Variants in PRR12 observed in about 807,000 individuals in gnomAD.
The protein encoded by PRR12 is proline-rich protein 12.
PRR12 carries 12 observed loss-of-function variants against 138.0 expected under a neutral mutation model. The ratio of observed to expected loss-of-function variants is 0.09; its 90% CI spans 0.06 to 0.14. PRR12 has a LOEUF of 0.14. Ranked by LOEUF, PRR12 falls within the 10% of genes least tolerant of loss-of-function variation. The probability of loss-of-function intolerance (pLI) is 1.00; values close to 1 mark genes in which losing one functional copy is unlikely to be tolerated. For missense variants in PRR12, 2,692 were observed against 2,861.3 expected (o/e 0.94, Z 1.35); for synonymous variants, 1,567 against 1,291.7 (o/e 1.21, Z -4.57).
Position 49,597,309 on chromosome 19 carries a change from C to G in PRR12, c.2974C>G (p.Pro992Ala). The part of the protein sequence containing the change: ...PGPPAYDPYG[P>A]YCPGRASGAG... ...CCCCCCTGCTTATGATCCCTATGGG[C>G]CCTACTGTCCTGGCCGGGCGTCGGG... The change falls in exon 4 of 14, where the codon CCC becomes GCC. Residue 992 changes from proline to alanine, a missense_variant. Physicochemically the swap from Pro to Ala is conservative, Grantham distance 27. Around this residue, in one of 11 missense-constraint regions of PRR12, gnomAD observed 840 missense variants for 689.8 expected, o/e 1.22. Coordinates refer to ENST00000418929, the MANE Select transcript of PRR12 (RefSeq NM_020719.3). The surrounding 1 kb of genome is among the most constrained non-coding windows in gnomAD (Gnocchi z 6.3). 1 of 1,557,418 alleles carries G rather than the reference C, an allele frequency of 6.4e-7. No individual in the cohort carries two copies. Among genetic ancestry groups the G allele is most frequent in the Non-Finnish European group, 8.7e-7 (1 of 1,154,154 alleles).
intron 6 of PRR12, among the ~76,000 whole-genome samples, chr19:49,605,634 T>C (rs933546890): frequency 2.6e-5 from 4 of 152,244 alleles, no homozygotes; most frequent in African/African-American, 9.6e-5. Flanking sequence ...TGAGCCAGCA[T>C]TGGGTCAAAT....
Position 49,595,630 on chromosome 19 carries a change from C to G in PRR12, c.1295C>G (p.Ala432Gly). Reference sequence around the variant, plus strand: ...GCAGCCGCCTATGCCACTGGGAAGGCCTCTGGGGCTGGAGGGGCAGGGGGC... The same window carrying G: ...GCAGCCGCCTATGCCACTGGGAAGGGCTCTGGGGCTGGAGGGGCAGGGGGC... ...GPAAAYATGK[A>G]SGAGGAGGQA... The change falls in exon 4 of 14, where the codon GCC becomes GGC. Residue 432 changes from alanine (A) to glycine (G), a missense_variant. Around this residue, in one of 11 missense-constraint regions of PRR12, gnomAD observed 523 missense variants for 496.4 expected, o/e 1.05. Transcript: ENST00000418929. The G allele has an allele frequency of 6.2e-7, 1 of 1,606,972 alleles. No homozygotes were observed. Among genetic ancestry groups the G allele is most frequent in the Non-Finnish European group, 8.5e-7 (1 of 1,177,372 alleles).
intron 6 of PRR12, among the ~76,000 whole-genome samples, chr19:49,610,621 C>T (rs926320588): frequency 4.0e-5 from 6 of 149,208 alleles, no homozygotes; most frequent in Admixed American, 2.7e-4. Flanking sequence ...CAGCTCACTA[C>T]AAGCTCCGCC....
intron 6 of PRR12, among the ~76,000 whole-genome samples, chr19:49,606,565 C>T (rs1423859007): frequency 6.6e-6 from 1 of 151,686 alleles, no homozygotes; most frequent in Non-Finnish European, 1.5e-5. Flanking sequence ...CCCCGCCCCC[C>T]AACCTTGGCC....
At chr19:49,603,223 G>C (rs916268178) in intron 6 of PRR12, among the ~76,000 whole-genome samples, 2 of 152,272 alleles carry the variant, frequency 1.3e-5, no homozygotes, top group African/African-American at 4.8e-5. Context: ...GGTGTTACCA[G>C]GTGCCCATGG....
At chr19:49,615,665 C>T (rs1373338392) in intron 8 of PRR12, 82 bp from the exon 9 acceptor site, 3 of 1,159,032 alleles carry the variant, frequency 2.6e-6, no homozygotes, top group Non-Finnish European at 3.7e-6. Flanking sequence ...ATTCCTGTGC[C>T]TAGGGCACTG....
At position 49,593,342 on chromosome 19, in the gene PRR12, C is replaced by T. The variant is rs202128704; in HGVS notation, c.102C>T (p.Ser34=). 2 of 1,608,178 alleles carry T rather than the reference C, an allele frequency of 1.2e-6. No individual in the cohort carries two copies. The highest frequency in any genetic ancestry group is 1.7e-6 in the Non-Finnish European group (2 of 1,177,132). The change falls in exon 2 of 14, where the codon AGC becomes AGT. Residue 34 remains serine, a synonymous_variant. Coordinates refer to ENST00000418929, the MANE Select transcript of PRR12 (RefSeq NM_020719.3). ...TTCCCCCCAGCTTGGTTTATGGCAG[C>T]TCCAGGACCTCGCACCCCGAGACGG... ...RSAKASLVYG[S]SRTSHPETDI...
In PRR12 at chr19:49,596,219, A is replaced by G; in HGVS notation, c.1884A>G (p.Pro628=). 3 of 1,610,734 alleles carry G rather than the reference A, an allele frequency of 1.9e-6. No individual in the cohort carries two copies. Among genetic ancestry groups the G allele is most frequent in the South Asian group, 1.1e-5 (1 of 91,066 alleles). ...KGDGSELLAG[P]GGPPAERTED... Reference sequence around the variant, plus strand: ...ATGGCTCGGAGCTGCTGGCGGGCCCAGGTGGGCCTCCTGCGGAGCGCACAG... The same window carrying G: ...ATGGCTCGGAGCTGCTGGCGGGCCCGGGTGGGCCTCCTGCGGAGCGCACAG... Residue 628 remains proline, a synonymous_variant, in exon 4 of 14, where the codon CCA becomes CCG. Coordinates refer to ENST00000418929, the MANE Select transcript of PRR12 (RefSeq NM_020719.3). This position sits in a 1 kb window ranked among gnomAD's most constrained non-coding sequence, Gnocchi z 5.6.
intron 9 of PRR12, among the ~76,000 whole-genome samples, chr19:49,618,416 C>T (rs2080903786): frequency 6.6e-6 from 1 of 151,852 alleles, no homozygotes; most frequent in Non-Finnish European, 1.5e-5. Flanking sequence ...GACAGAGCCT[C>T]ACTCTGTCAC....
Position 49,619,851 on chromosome 19 carries a change from C to CTTTTTT in PRR12, c.5498-481_5498-476dup, listed in dbSNP as rs55707507. On this transcript the variant is annotated intron_variant, in intron 9 of 13. Transcript: ENST00000418929. ...GCACTTTATGGGCTACAATGCCTGG[C>CTTTTTT]TTTTTTTTTTTTTTTTTTTTTTTTT... is the stretch of plus-strand genomic sequence containing the variant. Among the ~76,000 whole-genome samples, 92 of 53,950 alleles carry CTTTTTT rather than the reference C, an allele frequency of 1.7e-3. 9 individuals are homozygous for CTTTTTT. The highest frequency in any genetic ancestry group is 3.4e-3 in the African/African-American group (39 of 11,378). The allele number at this position is 53,950 out of a possible 152,430, so 35.4% of individuals were successfully genotyped here. A position where few individuals can be genotyped will look rare whatever the true frequency, so the allele number is the denominator to read the frequency against.
rs1455222726 is a variant in PRR12 at position 49,594,050 on chromosome 19, T to TTC, written c.200-400_200-399dup. On this transcript the variant is annotated intron_variant, in intron 2 of 13. Transcript: ENST00000418929. This position sits in a 1 kb window ranked among gnomAD's most constrained non-coding sequence, Gnocchi z 5.6. The stretch of plus-strand genomic sequence containing the variant: ...ACTTAGCTCAATCCTTTCTGACACG[T>TTC]TCTCTGGTCTTTCTTAGACTTCATT... Among the ~76,000 whole-genome samples, 2 of 152,156 alleles carry TTC rather than the reference T, an allele frequency of 1.3e-5. No homozygotes were observed. Among genetic ancestry groups the TTC allele is most frequent in the African/African-American group, 2.4e-5 (1 of 41,436 alleles).
chr19:49,599,922 C>T lies in PRR12; in HGVS notation c.4329C>T (p.Asn1443=), dbSNP rs754133868. Reference sequence around the variant, plus strand: ...CTCTTCCGGGGCTCCCCAGTGCCAACAGCAATGGCACTCCCGGTGAGCTCT... The same window carrying T: ...CTCTTCCGGGGCTCCCCAGTGCCAATAGCAATGGCACTCCCGGTGAGCTCT... ...PPPLPGLPSA[N]SNGTPEPPLL... Residue 1443 remains asparagine, a synonymous_variant, in exon 5 of 14, where the codon AAC becomes AAT. Coordinates refer to ENST00000418929, the MANE Select transcript of PRR12 (RefSeq NM_020719.3). The surrounding 1 kb of genome is among the most constrained non-coding windows in gnomAD (Gnocchi z 5.0). 7 of 1,604,316 alleles carry T rather than the reference C, an allele frequency of 4.4e-6. No homozygotes were observed. The Admixed American group carries it at 1.2e-4, about 27-fold the overall frequency.
intron 5 of PRR12, 88 bp downstream of exon 5, chr19:49,600,026 G>A (rs1274773693): frequency 9.8e-6 from 13 of 1,331,006 alleles, no homozygotes; most frequent in Non-Finnish European, 1.2e-5. Flanking sequence ...CACTGTTTAA[G>A]AGACACCATT....
Position 49,596,032 on chromosome 19 carries a change from G to A in PRR12, c.1697G>A (p.Arg566His), listed in dbSNP as rs2080765754. 1 of 1,601,406 alleles carries A rather than the reference G, an allele frequency of 6.2e-7. No homozygotes were observed. Among genetic ancestry groups the A allele is most frequent in the Non-Finnish European group, 8.5e-7 (1 of 1,179,730 alleles). Residue 566 changes from arginine (R) to histidine (H), a missense_variant, in exon 4 of 14, where the codon CGT becomes CAT. Physicochemically the swap from Arg to His is conservative, Grantham distance 29. Transcript: ENST00000418929. The surrounding 1 kb of genome is among the most constrained non-coding windows in gnomAD (Gnocchi z 5.6). The part of the protein sequence containing the change: ...GGEASPSHII[R>H]PLQSPPATGR... The stretch of plus-strand genomic sequence containing the variant: ...GAGGCCAGCCCATCTCACATCATTC[G>A]TCCGCTCCAGTCACCGCCTGCCACC...
At chr19:49,619,462 C>T (rs1183863101) in intron 9 of PRR12, among the ~76,000 whole-genome samples, 5 of 150,190 alleles carry the variant, frequency 3.3e-5, no homozygotes, top group Admixed American at 2.7e-4. Flanking sequence ...CTCGAACTCC[C>T]GACCTCAGGT....
chr19:49,607,132 GA>G (rs932283733), intron 6 of PRR12, among the ~76,000 whole-genome samples: 16 of 145,042 alleles, frequency 1.1e-4, no homozygotes, highest in South Asian at 1.1e-3. Flanking sequence ...CGCCTTTAAG[GA>G]AAAAAAAAAG....
At chr19:49,622,590 C>CA (rs2080928962) in intron 11 of PRR12, among the ~76,000 whole-genome samples, 4 of 96,730 alleles carry the variant, frequency 4.1e-5, no homozygotes, top group African/African-American at 5.6e-5. Context: ...AGACTGTCTC[C>CA]AAAAAAGAAA....
Position 49,596,577 on chromosome 19 carries a change from C to A in PRR12, c.2242C>A (p.His748Asn). The A allele has an allele frequency of 6.3e-7, 1 of 1,595,836 alleles. No individual in the cohort carries two copies. Among genetic ancestry groups the A allele is most frequent in the Non-Finnish European group, 8.5e-7 (1 of 1,172,226 alleles). ...TPEGLATSVV[H>N]YGAGAKELGA... is the part of the protein sequence containing the mutation. Reference sequence around the variant, plus strand: ...CGAGGGGCTGGCCACCTCTGTTGTCCACTACGGGGCAGGCGCCAAGGAGCT... The same window carrying A: ...CGAGGGGCTGGCCACCTCTGTTGTCAACTACGGGGCAGGCGCCAAGGAGCT... The change falls in exon 4 of 14, where the codon CAC becomes AAC. Residue 748 changes from histidine (H) to asparagine (N), a missense_variant. This residue lies in a region of PRR12 where 840 missense variants were observed against 689.8 expected (regional missense o/e 1.22). Transcript: ENST00000418929. This position sits in a 1 kb window ranked among gnomAD's most constrained non-coding sequence, Gnocchi z 5.6.
intron 6 of PRR12, among the ~76,000 whole-genome samples, chr19:49,602,923 C>T (rs2080819820): frequency 6.6e-6 from 1 of 152,258 alleles, no homozygotes; most frequent in African/African-American, 2.4e-5. Flanking sequence ...TCACTGCTTC[C>T]AGTTTGTCTA....
Sources: allele counts gnomAD v4.1 joint callset (sites outside exome capture counted in the v4.1 genomes callset), GRCh38; gene constraint gnomAD v4.1.1; regional missense constraint gnomAD v4.1.1; non-coding constraint Gnocchi (gnomAD v3.1); transcripts MANE v1.5; gene names NCBI Gene and HGNC (gene_info 2026-07-23, HGNC 2026-07-21).